The following COX7B variants were observed in gnomAD, a reference collection of about 807,000 sequenced individuals.
COX7B encodes the protein cytochrome c oxidase subunit 7B.
COX7B carries 2 observed loss-of-function variants against 7.9 expected under a neutral mutation model. The observed-to-expected ratio is 0.25, with a 90% CI of 0.10 to 0.79. The LOEUF (loss-of-function observed/expected upper bound fraction) is 0.79. Ranked by LOEUF, COX7B falls within the 30% of genes least tolerant of loss-of-function variation. The pLI is 0.69. For synonymous variants in COX7B, 19 were observed against 21.1 expected, an observed-to-expected ratio of 0.90 and a Z score of 0.27; for missense variants, 54 against 62.7, an observed-to-expected ratio of 0.86 and a Z score of 0.47.
chrX:77,901,421 A>G (rs868991056), intron 1 of COX7B, among the ~76,000 whole-genome samples: 3 of 108,328 alleles, frequency 2.8e-5, no homozygotes, highest in Non-Finnish European at 3.8e-5. Flanking sequence ...TAAAACGATA[A>G]GAACCTGCCC....
chrX:77,905,316 C>A lies in COX7B; in HGVS notation c.*55C>A. ...TTAAAAAACAGCTCATAATTGATGC[C>A]AAATTAAAGCACTGTGTACCCATTA... On this transcript the variant is annotated 3_prime_UTR_variant, in exon 3 of 3. Coordinates refer to ENST00000650309, the MANE Select transcript of COX7B (RefSeq NM_001866.3). 1 of 905,678 alleles carries A rather than the reference C, an allele frequency of 1.1e-6. No homozygotes were observed. Among genetic ancestry groups the A allele is most frequent in the Non-Finnish European group, 1.6e-6 (1 of 619,645 alleles). The allele number at this position is 905,678 out of a possible 1,213,427, so 74.6% of individuals were successfully genotyped here.
intron 1 of COX7B, 97 bp downstream of exon 1, chrX:77,899,690 C>G: frequency 1.2e-6 from 1 of 846,415 alleles, no homozygotes; most frequent in Non-Finnish European, 1.7e-6. Flanking sequence ...TCTCGGCCTT[C>G]TAATCTTGAA....
At position 77,905,435 on chromosome X, in the gene COX7B, C is replaced by T. The variant is rs1362443424; in HGVS notation, c.*174C>T. The T allele has an allele frequency of 2.2e-5, 7 of 311,630 alleles. No individual in the cohort carries two copies. In the Admixed American group the frequency reaches 4.0e-4, roughly 18 times the overall value. 25.7% of individuals were successfully genotyped at this position (311,630 alleles called of 1,213,427 possible). ...TGAAACTAAGCTTGATCACTTTAGC[C>T]TTTATGTTAATATTAAAGTCAAATG... On this transcript the variant is annotated 3_prime_UTR_variant, in exon 3 of 3. Transcript: ENST00000650309.
In COX7B at chrX:77,905,401, C is replaced by T; in HGVS notation, c.*140C>T. ...GAAACCTTCATTGTAGGTTTTGTTT[C>T]TTTGTAAATGAAACTAAGCTTGATC... On this transcript the variant is annotated 3_prime_UTR_variant, in exon 3 of 3. Coordinates refer to ENST00000650309, the MANE Select transcript of COX7B (RefSeq NM_001866.3). 2.9e-6 allele frequency: 1 copy of T among 346,569 alleles called. No homozygotes were observed. The highest frequency in any genetic ancestry group is 5.0e-6 in the Non-Finnish European group (1 of 199,320). 28.6% of individuals were successfully genotyped at this position (346,569 alleles called of 1,213,427 possible). A position where few individuals can be genotyped will look rare whatever the true frequency, so the allele number is the denominator to read the frequency against.
intron 2 of COX7B, among the ~76,000 whole-genome samples, chrX:77,903,380 GACGGGGTTTC>G (rs1255696080): frequency 7.3e-5 from 8 of 108,927 alleles, no homozygotes; most frequent in Non-Finnish European, 1.3e-4. Context: ...TTTTAGTAGA[GACGGGGTTTC>G]ACCATGTTAG....
chrX:77,901,384 T>C (rs1042874492), intron 1 of COX7B, among the ~76,000 whole-genome samples: 5 of 108,538 alleles, frequency 4.6e-5, no homozygotes, highest in Non-Finnish European at 9.5e-5. Context: ...CTTTTCATTA[T>C]ATATGTAAGT....
chrX:77,903,315 C>T (rs1557220803), intron 2 of COX7B: 1 of 108,730 alleles, frequency 9.2e-6, no homozygotes, highest in Admixed American at 1.0e-4. Flanking sequence ...CTGTCTCAGC[C>T]TCCCAGGTAG....
chrX:77,904,568 G>A (rs1603367299), intron 2 of COX7B, among the ~76,000 whole-genome samples: 1 of 108,468 alleles, frequency 9.2e-6, no homozygotes, highest in Middle Eastern at 4.7e-3. Context: ...CCTGAAGTTG[G>A]AGGGGGTGGA....
chrX:77,903,468 A>G (rs2077126668), intron 2 of COX7B, among the ~76,000 whole-genome samples: 4 of 110,606 alleles, frequency 3.6e-5, no homozygotes, highest in Admixed American at 2.9e-4. Context: ...TGCTAGGATT[A>G]CAGGTGTGAG....
chrX:77,901,995 G>A (rs1445594568), intron 1 of COX7B: 1 of 111,697 alleles, frequency 9.0e-6, no homozygotes, highest in Admixed American at 9.5e-5. Flanking sequence ...CTTGGCCTCC[G>A]AAAGTATTGG....
chrX:77,905,498 T>G lies in COX7B; in HGVS notation c.*237T>G. The G allele has an allele frequency of 3.8e-6, 1 of 259,833 alleles. No homozygotes were observed. Among genetic ancestry groups the G allele is most frequent in the Non-Finnish European group, 6.5e-6 (1 of 153,964 alleles). The allele number at this position is 259,833 out of a possible 1,213,427, so 21.4% of individuals were successfully genotyped here. On this transcript the variant is annotated 3_prime_UTR_variant, in exon 3 of 3. Transcript: ENST00000650309. ...TTAAATAGGTTTTTTTTTTTTTTTTTTTTTTTTTTTGGGACGAAGTCTCAC... is the reference window on the plus strand; with the variant it reads ...TTAAATAGGTTTTTTTTTTTTTTTTGTTTTTTTTTTGGGACGAAGTCTCAC...
At chrX:77,902,572 C>A in intron 1 of COX7B, 71 bp from the exon 2 acceptor site, 1 of 1,102,929 alleles carries the variant, frequency 9.1e-7, no homozygotes. Context: ...TTGGCAGTAT[C>A]AATCACATAT....
intron 1 of COX7B, among the ~76,000 whole-genome samples, chrX:77,902,326 T>G (rs782298059): frequency 3.6e-5 from 4 of 111,998 alleles, no homozygotes; most frequent in Non-Finnish European, 7.5e-5. Context: ...CCCAACACTA[T>G]TATGAAAACT....
At chrX:77,904,373 G>A (rs1239448397) in intron 2 of COX7B, among the ~76,000 whole-genome samples, 1 of 109,322 alleles carries the variant, frequency 9.1e-6, no homozygotes, top group Non-Finnish European at 1.9e-5. Flanking sequence ...TGCCTAGGCT[G>A]GGCATGGTGG....
intron 1 of COX7B, among the ~76,000 whole-genome samples, 171 bp downstream of exon 1, chrX:77,899,764 C>T (rs1385929904): frequency 9.0e-6 from 1 of 110,994 alleles, no homozygotes; most frequent in Non-Finnish European, 1.9e-5. Flanking sequence ...GGCTTTATCA[C>T]CCAGTATTTC....
intron 1 of COX7B, chrX:77,901,636 T>C (rs1487765812): frequency 8.9e-6 from 1 of 111,840 alleles, no homozygotes; most frequent in African/African-American, 3.3e-5. Context: ...CCTTGTACGA[T>C]ACTGATTTTT....
intron 2 of COX7B, 81 bp from the exon 3 acceptor site, chrX:77,905,103 A>G: frequency 3.7e-6 from 3 of 812,893 alleles, no homozygotes; most frequent in Admixed American, 4.5e-5. Context: ...AGAACAGAAT[A>G]TCTGTCATTT....
chrX:77,902,843 T>C, intron 2 of COX7B, 76 bp downstream of exon 2: 1 of 1,009,674 alleles, frequency 9.9e-7, no homozygotes, highest in Non-Finnish European at 1.4e-6. Context: ...TGTCTTAACA[T>C]AGTAGTGTAC....
intron 2 of COX7B, among the ~76,000 whole-genome samples, chrX:77,903,674 A>G (rs188959347): frequency 1.2e-3 from 133 of 111,247 alleles, no homozygotes; most frequent in African/African-American, 3.0e-3. Context: ...TAGTTCTATC[A>G]GTAATTTTTT....
Sources: gnomAD v4.1 joint callset for allele counts (sites outside exome capture counted in the v4.1 genomes callset) on GRCh38, gnomAD v4.1.1 for gene constraint, MANE v1.5 for transcripts, NCBI Gene and HGNC (gene_info 2026-07-23, HGNC 2026-07-21) for gene names.